Variants in PCDHGB2 observed in about 807,000 individuals in gnomAD.
PCDHGB2 encodes protocadherin gamma-B2.
In PCDHGB2, 55 loss-of-function variants were observed where a neutral mutation model predicts 59.3. The observed-to-expected ratio is 0.93, with a 90% CI of 0.75 to 1.16. PCDHGB2 has a LOEUF of 1.16. Among genes scored for constraint, PCDHGB2 ranks in the 50% most tolerant of loss-of-function variants. PCDHGB2 has a pLI of 0.00. For missense variants in PCDHGB2, 1,228 were observed against 1,198.5 expected (o/e 1.02, Z -0.36); for synonymous variants, 516 against 512.0 (o/e 1.01, Z -0.11).
Position 141,491,742 on chromosome 5 carries a change from C to CA in PCDHGB2, c.2422-3064dup. The CA allele has an allele frequency of 3.1e-6, 5 of 1,596,114 alleles. No individual in the cohort carries two copies. Among genetic ancestry groups the CA allele is most frequent in the Non-Finnish European group, 4.3e-6 (5 of 1,172,424 alleles). ...CGCCCCGGGCGACCCCTGGGGGCGG[C>CA]ACTGGAGAAGCCGCCCGTCCTCATA... On this transcript the variant is annotated intron_variant, in intron 1 of 3. Coordinates refer to ENST00000522605, the MANE Select transcript of PCDHGB2 (RefSeq NM_018923.3). This position sits in a 1 kb window ranked among gnomAD's most constrained non-coding sequence, Gnocchi z 6.9.
chr5:141,411,924 C>G lies in PCDHGB2; in HGVS notation c.2421+49368C>G, dbSNP rs116336964. ...TTGCCTTTGCACTCAGTCTCTGTCTCTGATTCTCTGATAGAAGATTTTTGA... is the reference window on the plus strand; with the variant it reads ...TTGCCTTTGCACTCAGTCTCTGTCTGTGATTCTCTGATAGAAGATTTTTGA... On this transcript the variant is annotated intron_variant, in intron 1 of 3. Coordinates refer to ENST00000522605, the MANE Select transcript of PCDHGB2 (RefSeq NM_018923.3). The G allele has an allele frequency of 5.8e-4, 88 of 152,306 alleles. 1 individual carries two copies. Among genetic ancestry groups the G allele is most frequent in the African/African-American group, 2.0e-3 (83 of 41,556 alleles). 9.4% of individuals were successfully genotyped at this position (152,306 alleles called of 1,614,324 possible). A position where few individuals can be genotyped will look rare whatever the true frequency, so the allele number is the denominator to read the frequency against.
At chr5:141,367,766 A>T (rs1166226365) in intron 1 of PCDHGB2, 4 of 152,176 alleles carry the variant, frequency 2.6e-5, no homozygotes, top group Admixed American at 2.0e-4. Context: ...TGCACTCAAT[A>T]AATGTAAATA....
intron 1 of PCDHGB2, chr5:141,420,380 C>T (rs1343046478): frequency 7.7e-7 from 1 of 1,306,574 alleles, no homozygotes; most frequent in Non-Finnish European, 1.0e-6. Flanking sequence ...TCATAGAGTT[C>T]GCAAAATATA....
chr5:141,398,360 G>A, intron 1 of PCDHGB2: 1 of 1,413,656 alleles, frequency 7.1e-7, no homozygotes, highest in Non-Finnish European at 9.8e-7. Flanking sequence ...TTCACCGTGA[G>A]CGCAGAGAGC....
At chr5:141,370,824 G>A (rs754309102) in intron 1 of PCDHGB2, 3 of 1,613,996 alleles carry the variant, frequency 1.9e-6, no homozygotes, top group Middle Eastern at 1.7e-4. Context: ...GGAAATCAGC[G>A]AACTGGCTCT....
intron 1 of PCDHGB2, chr5:141,366,436 C>T (rs757760710): frequency 1.9e-6 from 3 of 1,614,076 alleles, no homozygotes; most frequent in African/African-American, 1.3e-5. Context: ...CAGTCTCCTG[C>T]GTCTTCCTGG....
At position 141,413,315 on chromosome 5, in the gene PCDHGB2, C is replaced by G. The variant is rs747758921; in HGVS notation, c.2421+50759C>G. The stretch of plus-strand genomic sequence containing the variant: ...ATTCCTGAGGAATTAGAGAAAGGCT[C>G]TTTCGTGGGCAACATCTCCAAGGAC... On this transcript the variant is annotated intron_variant, in intron 1 of 3. Transcript: ENST00000522605. 6 of 1,613,976 alleles carry G rather than the reference C, an allele frequency of 3.7e-6. No individual in the cohort carries two copies. The South Asian group carries it at 5.5e-5, about 15-fold the overall frequency.
chr5:141,480,660 C>T (rs535356928), intron 1 of PCDHGB2, among the ~76,000 whole-genome samples: 2 of 152,170 alleles, frequency 1.3e-5, no homozygotes, highest in Non-Finnish European at 2.9e-5. Flanking sequence ...ACATTAAAAT[C>T]ACCTAGAGAC....
intron 1 of PCDHGB2, chr5:141,389,866 T>C: frequency 6.2e-7 from 1 of 1,614,082 alleles, no homozygotes; most frequent in South Asian, 1.1e-5. Context: ...TTGCACCTGG[T>C]CTTCGCCGAC....
chr5:141,372,531 C>T (rs767186429), intron 1 of PCDHGB2: 1 of 1,614,032 alleles, frequency 6.2e-7, no homozygotes, highest in South Asian at 1.1e-5. Context: ...GGCAATCTCC[C>T]TGCGCCTGCG....
intron 3 of PCDHGB2, among the ~76,000 whole-genome samples, chr5:141,510,166 A>G (rs1280391099): frequency 6.6e-6 from 1 of 151,872 alleles, no homozygotes; most frequent in African/African-American, 2.4e-5. Flanking sequence ...TCAGCTACTC[A>G]GGAGGTTGAG....
rs149553852 is a variant in PCDHGB2 at position 141,415,009 on chromosome 5, C to T, written c.2421+52453C>T. On this transcript the variant is annotated intron_variant, in intron 1 of 3. Coordinates refer to ENST00000522605, the MANE Select transcript of PCDHGB2 (RefSeq NM_018923.3). ...CCAGAACGCCTGGCTGTCCTACCGT[C>T]TGCTCAAGGCCAGCGAGCCGGGACT... 1.9e-3 allele frequency: 3,040 copies of T among 1,613,658 alleles called. 49 individuals are homozygous for T. In the African/African-American group the frequency reaches 0.033, roughly 18 times the overall value.
chr5:141,372,765 A>G, intron 1 of PCDHGB2: 1 of 1,612,386 alleles, frequency 6.2e-7, no homozygotes, highest in Non-Finnish European at 8.5e-7. Flanking sequence ...GTTTGAAAGT[A>G]ATGACAATCC....
Position 141,491,900 on chromosome 5 carries a change from G to A in PCDHGB2, c.2422-2907G>A, listed in dbSNP as rs1268804496. 7.0e-7 allele frequency: 1 copy of A among 1,429,818 alleles called. No individual in the cohort carries two copies. Among genetic ancestry groups the A allele is most frequent in the East Asian group, 2.5e-5 (1 of 39,444 alleles). The allele number at this position is 1,429,818 out of a possible 1,614,324, so 88.6% of individuals were successfully genotyped here. A position where few individuals can be genotyped will look rare whatever the true frequency, so the allele number is the denominator to read the frequency against. ...TAAGGGATGGGGCTCCGAGCACCGGGGGTGGTGGCGACTGTGGGCGAGGGG... is the reference window on the plus strand; with the variant it reads ...TAAGGGATGGGGCTCCGAGCACCGGAGGTGGTGGCGACTGTGGGCGAGGGG... On this transcript the variant is annotated intron_variant, in intron 1 of 3. Coordinates refer to ENST00000522605, the MANE Select transcript of PCDHGB2 (RefSeq NM_018923.3). This position sits in a 1 kb window ranked among gnomAD's most constrained non-coding sequence, Gnocchi z 6.9.
chr5:141,384,557 T>C (rs2150262452), intron 1 of PCDHGB2: 2 of 1,614,252 alleles, frequency 1.2e-6, no homozygotes, highest in Middle Eastern at 3.3e-4. Flanking sequence ...CTGTTCGTGC[T>C]GGACCAGAAT....
At chr5:141,423,619 T>C (rs1389600826) in intron 1 of PCDHGB2, 1 of 1,608,090 alleles carries the variant, frequency 6.2e-7, no homozygotes. Context: ...AGCTGAAGAC[T>C]CAGCTATCAT....
At chr5:141,449,796 A>G (rs1358409274) in intron 1 of PCDHGB2, among the ~76,000 whole-genome samples, 2 of 151,590 alleles carry the variant, frequency 1.3e-5, no homozygotes, top group Admixed American at 6.6e-5. Context: ...TTATTCCTAA[A>G]TACCTCATTG....
chr5:141,375,761 C>T (rs1771855837), intron 1 of PCDHGB2: 1 of 1,614,118 alleles, frequency 6.2e-7, no homozygotes, highest in Admixed American at 1.7e-5. Flanking sequence ...TGACAATGCG[C>T]CCGAGATCCT....
intron 1 of PCDHGB2, chr5:141,389,528 G>A (rs200792478): frequency 1.2e-6 from 2 of 1,613,210 alleles, no homozygotes; most frequent in East Asian, 2.2e-5. Context: ...GCCTGCGCGT[G>A]TTAGTGGACG....
Sources: allele counts gnomAD v4.1 joint callset (sites outside exome capture counted in the v4.1 genomes callset), GRCh38; gene constraint gnomAD v4.1.1; non-coding constraint Gnocchi (gnomAD v3.1); transcripts MANE v1.5; gene names NCBI Gene and HGNC (gene_info 2026-07-23, HGNC 2026-07-21).